DOCK7: variants seen among roughly 807,000 people sequenced by gnomAD.
DOCK7 encodes dedicator of cytokinesis protein 7.
In DOCK7, 138 loss-of-function variants were observed where a neutral mutation model predicts 271.0. The ratio of observed to expected loss-of-function variants is 0.51; its 90% confidence interval spans 0.44 to 0.59. The LOEUF (loss-of-function observed/expected upper bound fraction) is 0.59, where lower values mean the gene tolerates loss of function less well. DOCK7 is among the 20% of genes least tolerant of loss of function. The pLI, the probability that DOCK7 is intolerant of heterozygous loss-of-function variation, is 0.00. For missense variants in DOCK7, 2,066 were observed against 2,592.4 expected, an observed-to-expected ratio of 0.80 and a Z score of 4.41; for synonymous variants, 823 against 876.1, an observed-to-expected ratio of 0.94 and a Z score of 1.07.
chr1:62,543,544 G>T, intron 24 of DOCK7, 112 bp downstream of exon 24: 1 of 705,108 alleles, frequency 1.4e-6, no homozygotes, highest in Non-Finnish European at 2.3e-6. Context: ...ATATTTTTAA[G>T]CACAATGCAA....
At chr1:62,544,837 T>C in intron 23 of DOCK7, 110 bp downstream of exon 23, 4 of 821,550 alleles carry the variant, frequency 4.9e-6, no homozygotes, top group Non-Finnish European at 5.6e-6. Context: ...AATACACACT[T>C]TTTAATGATT....
At chr1:62,599,771 A>G (rs1649832748) in intron 14 of DOCK7, among the ~76,000 whole-genome samples, 1 of 152,020 alleles carries the variant, frequency 6.6e-6, no homozygotes, top group South Asian at 2.1e-4. Context: ...TCATAATTAA[A>G]GGTCAACATT....
chr1:62,636,631 T>C, intron 7 of DOCK7, 28 bp from the exon 8 acceptor site: 1 of 1,530,828 alleles, frequency 6.5e-7, no homozygotes, highest in Non-Finnish European at 8.9e-7. Context: ...ATAAAATAAT[T>C]TAAAGATAAA....
chr1:62,501,564 T>C (rs1343720044), intron 37 of DOCK7, among the ~76,000 whole-genome samples: 2 of 152,138 alleles, frequency 1.3e-5, no homozygotes, highest in East Asian at 3.9e-4. Flanking sequence ...TCAGCAATTT[T>C]ATCACTGTTC....
intron 18 of DOCK7, 39 bp from the exon 19 acceptor site, chr1:62,561,742 TAGATTATGAAC>T: frequency 1.0e-6 from 1 of 1,003,914 alleles, no homozygotes; most frequent in Non-Finnish European, 1.3e-6. Flanking sequence ...GATGCTTAAG[TAGATTATGAAC>T]TCTGAAAATA....
intron 2 of DOCK7, 22 bp from the exon 3 acceptor site, chr1:62,654,181 G>C (rs1374136061): frequency 6.3e-7 from 1 of 1,591,068 alleles, no homozygotes; most frequent in Non-Finnish European, 8.6e-7. Context: ...GTTGGGATAA[G>C]AGATGGGTAG....
chr1:62,667,497 G>A (rs972279588), intron 1 of DOCK7, among the ~76,000 whole-genome samples: 2 of 152,186 alleles, frequency 1.3e-5, no homozygotes, highest in African/African-American at 4.8e-5. Context: ...GTATCAGAGT[G>A]TTAGAACTGA....
At chr1:62,621,649 GTTT>G (rs1026151061) in intron 12 of DOCK7, among the ~76,000 whole-genome samples, 6 of 152,042 alleles carry the variant, frequency 3.9e-5, no homozygotes, top group African/African-American at 1.4e-4. Flanking sequence ...AGTGGTTATA[GTTT>G]TTTATTAATA....
At chr1:62,499,107 T>C (rs1646706343) in intron 37 of DOCK7, among the ~76,000 whole-genome samples, 1 of 152,200 alleles carries the variant, frequency 6.6e-6, no homozygotes, top group Non-Finnish European at 1.5e-5. Context: ...CAGCCACCTA[T>C]TCCTTTTTGG....
chr1:62,667,552 T>C (rs527592853), intron 1 of DOCK7, among the ~76,000 whole-genome samples: 3 of 152,098 alleles, frequency 2.0e-5, no homozygotes, highest in South Asian at 2.1e-4. Flanking sequence ...CCATCTCTAC[T>C]AAAAATACAA....
At chr1:62,598,810 A>C in intron 14 of DOCK7, 1 of 1,551,108 alleles carries the variant, frequency 6.4e-7, no homozygotes, top group Non-Finnish European at 8.9e-7. Flanking sequence ...AAATCAGGTA[A>C]GTCAGTATTT....
At chr1:62,653,595 T>G in intron 4 of DOCK7, 130 bp downstream of exon 4, 1 of 636,322 alleles carries the variant, frequency 1.6e-6, no homozygotes, top group Non-Finnish European at 2.8e-6. Context: ...TACACAAAAG[T>G]TCTTCTTTTG....
At chr1:62,615,560 T>G (rs1353044348) in intron 14 of DOCK7, among the ~76,000 whole-genome samples, 1 of 151,802 alleles carries the variant, frequency 6.6e-6, no homozygotes, top group Non-Finnish European at 1.5e-5. Context: ...TCAATTCATT[T>G]TGATGAAAAA....
At position 62,483,174 on chromosome 1, in the gene DOCK7, A is replaced by ATTTTTTTTTTTTTTTTTTTTTTT. The variant is rs57648164; in HGVS notation, c.5508+4201_5508+4223dup. The ATTTTTTTTTTTTTTTTTTTTTTT allele has an allele frequency of 7.1e-5, 5 of 70,184 alleles. 1 individual carries two copies. The highest frequency in any genetic ancestry group is 1.9e-4 in the African/African-American group (4 of 21,468). The allele number at this position is 70,184 out of a possible 1,614,324, so 4.3% of individuals were successfully genotyped here. ...AGGTACACACCACCATGCCCAGCTA[A>ATTTTTTTTTTTTTTTTTTTTTTT]TTTTTTTTTTTTTTTTTTTTTTTTT... is the stretch of plus-strand genomic sequence containing the variant. On this transcript the variant is annotated intron_variant, in intron 43 of 49. Coordinates refer to ENST00000635253, the MANE Select transcript of DOCK7 (RefSeq NM_001367561.1).
chr1:62,527,216 G>A (rs1234072273), intron 31 of DOCK7, among the ~76,000 whole-genome samples: 2 of 152,060 alleles, frequency 1.3e-5, no homozygotes, highest in Non-Finnish European at 1.5e-5. Flanking sequence ...GCCTTTAAGA[G>A]GGGAAAAGTT....
chr1:62,522,380 T>C (rs970683464), intron 31 of DOCK7, among the ~76,000 whole-genome samples: 2 of 152,080 alleles, frequency 1.3e-5, no homozygotes, highest in African/African-American at 2.4e-5. Context: ...TCAATGTTGG[T>C]TTAACACTAG....
chr1:62,569,454 A>T (rs550226453), intron 18 of DOCK7, among the ~76,000 whole-genome samples: 2 of 152,150 alleles, frequency 1.3e-5, no homozygotes, highest in Non-Finnish European at 2.9e-5. Context: ...AATAAACGTA[A>T]TCCGTCACAT....
intron 1 of DOCK7, among the ~76,000 whole-genome samples, chr1:62,670,746 C>T (rs1043636558): frequency 3.2e-4 from 48 of 152,220 alleles, no homozygotes; most frequent in African/African-American, 1.1e-3. Context: ...CACCAATCAG[C>T]GCCCTGACAA....
At chr1:62,561,033 G>T (rs573173457) in intron 19 of DOCK7, among the ~76,000 whole-genome samples, 1 of 152,070 alleles carries the variant, frequency 6.6e-6, no homozygotes, top group Non-Finnish European at 1.5e-5. Flanking sequence ...GAGTCAAAGC[G>T]CAACAGAGAA....
Sources: gnomAD v4.1 joint callset for allele counts (sites outside exome capture counted in the v4.1 genomes callset) on GRCh38, gnomAD v4.1.1 for gene constraint, MANE v1.5 for transcripts, NCBI Gene and HGNC (gene_info 2026-07-23, HGNC 2026-07-21) for gene names.